Variants in RBMS3 observed in about 807,000 individuals in gnomAD.
RBMS3 encodes RNA-binding motif, single-stranded-interacting protein 3.
Under a neutral mutation model 66.8 loss-of-function variants are expected in RBMS3, and 27 were observed. The observed-to-expected ratio is 0.40, with a 90% CI of 0.30 to 0.56. RBMS3 has a LOEUF of 0.56. Among genes scored for constraint, RBMS3 ranks in the 20% least tolerant of loss-of-function variants. The probability of loss-of-function intolerance (pLI) is 0.40; values close to 1 mark genes in which losing one functional copy is unlikely to be tolerated. For missense variants in RBMS3, 513 were observed against 549.5 expected, an observed-to-expected ratio of 0.93 and a Z score of 0.66; for synonymous variants, 188 against 183.0, an observed-to-expected ratio of 1.03 and a Z score of -0.22.
intron 4 of RBMS3, among the ~76,000 whole-genome samples, chr3:29,669,188 C>A (rs2050890829): frequency 6.6e-6 from 1 of 152,302 alleles, no homozygotes; most frequent in Non-Finnish European, 1.5e-5. Flanking sequence ...TGGGAGAGAC[C>A]AAAGCTAGAC....
chr3:29,797,700 A>G (rs2057247199), intron 6 of RBMS3: 1 of 152,190 alleles, frequency 6.6e-6, no homozygotes. Flanking sequence ...GGGTATTTAT[A>G]ATGAATAATG....
intron 1 of RBMS3, among the ~76,000 whole-genome samples, chr3:29,343,579 G>GA (rs1271607410): frequency 7.6e-4 from 114 of 150,672 alleles, no homozygotes; most frequent in Middle Eastern, 6.8e-3. Flanking sequence ...TCAAATCACA[G>GA]AAAAAAAAAT....
intron 1 of RBMS3, among the ~76,000 whole-genome samples, chr3:29,432,900 T>C (rs768088431): frequency 6.6e-6 from 1 of 152,134 alleles, no homozygotes; most frequent in Non-Finnish European, 1.5e-5. Context: ...TAAAAAATCA[T>C]GTGGAGCTTT....
At chr3:29,973,573 G>T (rs1697361211) in intron 12 of RBMS3, among the ~76,000 whole-genome samples, 1 of 151,860 alleles carries the variant, frequency 6.6e-6, no homozygotes, top group Middle Eastern at 3.2e-3. Context: ...ATATAATAGG[G>T]ATTTAAACGT....
intron 10 of RBMS3, among the ~76,000 whole-genome samples, chr3:29,932,291 C>T (rs1577185641): frequency 6.6e-6 from 1 of 152,196 alleles, no homozygotes; most frequent in East Asian, 1.9e-4. Context: ...AGACCATGGC[C>T]TGTAAAAAGA....
At chr3:29,570,257 A>G (rs1306167756) in intron 3 of RBMS3, among the ~76,000 whole-genome samples, 3 of 152,152 alleles carry the variant, frequency 2.0e-5, no homozygotes, top group African/African-American at 7.2e-5. Context: ...ACAGGCATGT[A>G]ATGCATAATA....
At chr3:29,598,374 T>G (rs1472419941) in intron 4 of RBMS3, among the ~76,000 whole-genome samples, 2 of 152,040 alleles carry the variant, frequency 1.3e-5, no homozygotes, top group Non-Finnish European at 2.9e-5. Flanking sequence ...CAGTAAAGAA[T>G]GATCAACAAC....
At chr3:29,857,526 C>A (rs2059110062) in intron 6 of RBMS3, among the ~76,000 whole-genome samples, 1 of 142,156 alleles carries the variant, frequency 7.0e-6, no homozygotes, top group African/African-American at 2.6e-5. Context: ...ATTATATTTA[C>A]TTGTGGAAAT....
At chr3:29,899,989 TGAGA>T (rs10680172) in intron 10 of RBMS3, among the ~76,000 whole-genome samples, 1 of 147,508 alleles carries the variant, frequency 6.8e-6, no homozygotes, top group Non-Finnish European at 1.5e-5. Context: ...AGCAAGAGAG[TGAGA>T]GAGAGAGAGA....
intron 12 of RBMS3, among the ~76,000 whole-genome samples, chr3:29,957,807 A>G (rs892762044): frequency 6.6e-6 from 1 of 152,150 alleles, no homozygotes; most frequent in Non-Finnish European, 1.5e-5. Context: ...AAGATACCTC[A>G]CACGTACACC....
chr3:29,305,498 G>T (rs1484634840), intron 1 of RBMS3, among the ~76,000 whole-genome samples: 1 of 151,852 alleles, frequency 6.6e-6, no homozygotes, highest in Non-Finnish European at 1.5e-5. Context: ...ACCTGGTTCT[G>T]TTCTCCCAGT....
At chr3:29,836,747 CA>C (rs2058518705) in intron 6 of RBMS3, among the ~76,000 whole-genome samples, 2 of 151,226 alleles carry the variant, frequency 1.3e-5, no homozygotes, top group South Asian at 2.1e-4. Context: ...GAGAGATATG[CA>C]TGTTAATTAG....
At chr3:29,459,324 A>G (rs1275328479) in intron 2 of RBMS3, among the ~76,000 whole-genome samples, 1 of 152,226 alleles carries the variant, frequency 6.6e-6, no homozygotes. Context: ...TCTCTTCATC[A>G]GTAGTCTCAT....
At chr3:29,470,124 A>T (rs946854222) in intron 2 of RBMS3, among the ~76,000 whole-genome samples, 4 of 151,196 alleles carry the variant, frequency 2.6e-5, no homozygotes, top group Non-Finnish European at 5.9e-5. Flanking sequence ...TAAACAAGGT[A>T]GTATTTGTAT....
intron 3 of RBMS3, among the ~76,000 whole-genome samples, chr3:29,508,377 G>T (rs984349396): frequency 1.3e-5 from 2 of 152,090 alleles, no homozygotes; most frequent in Non-Finnish European, 2.9e-5. Context: ...ACAGGCCCCA[G>T]TGTGTGATAT....
chr3:29,504,307 T>C (rs1438333), intron 3 of RBMS3, among the ~76,000 whole-genome samples: 19,953 of 151,906 alleles, frequency 0.13, 1,913 homozygotes, highest in African/African-American at 0.27. Context: ...TCATTTAAAG[T>C]GCACAGGACC....
chr3:29,364,250 G>T (rs901604572), intron 1 of RBMS3, among the ~76,000 whole-genome samples: 9 of 152,128 alleles, frequency 5.9e-5, no homozygotes, highest in Non-Finnish European at 8.8e-5. Context: ...AAATTGATTT[G>T]TGAGTATATA....
At chr3:29,990,067 G>C (rs1276120320) in intron 13 of RBMS3, among the ~76,000 whole-genome samples, 1 of 152,034 alleles carries the variant, frequency 6.6e-6, no homozygotes, top group Non-Finnish European at 1.5e-5. Flanking sequence ...ATATTGCCTT[G>C]AACCAGTGAT....
At chr3:29,709,910 A>G (rs1453278018) in intron 4 of RBMS3, among the ~76,000 whole-genome samples, 1 of 152,216 alleles carries the variant, frequency 6.6e-6, no homozygotes, top group Non-Finnish European at 1.5e-5. Flanking sequence ...CATAAAGAAT[A>G]TTAAAAGGAA....
Sources: gnomAD v4.1 joint callset for allele counts (sites outside exome capture counted in the v4.1 genomes callset) on GRCh38, gnomAD v4.1.1 for gene constraint, MANE v1.5 for transcripts, NCBI Gene and HGNC (gene_info 2026-07-23, HGNC 2026-07-21) for gene names.